Variants in TM2D1 observed in about 807,000 individuals in gnomAD.
TM2D1 encodes TM2 domain containing 1, also known as TM2 domain-containing protein 1.
Under a neutral mutation model 28.4 loss-of-function variants are expected in TM2D1, and 15 were observed. That is an observed-to-expected ratio of 0.53 (90% CI 0.35 to 0.81). The LOEUF (loss-of-function observed/expected upper bound fraction) is 0.81. TM2D1 is among the 40% of genes least tolerant of loss of function. TM2D1 has a pLI of 0.01. For missense variants in TM2D1, 236 were observed against 254.9 expected (o/e 0.93, Z 0.50); for synonymous variants, 93 against 96.2 (o/e 0.97, Z 0.20).
At chr1:61,696,912 C>T (rs1017625501) in intron 4 of TM2D1, among the ~76,000 whole-genome samples, 1 of 152,020 alleles carries the variant, frequency 6.6e-6, no homozygotes, top group African/African-American at 2.4e-5. Flanking sequence ...GCCATCACAC[C>T]TGGCCTAAAT....
chr1:61,719,558 T>C (rs1490447960), intron 2 of TM2D1, among the ~76,000 whole-genome samples: 2 of 151,908 alleles, frequency 1.3e-5, no homozygotes, highest in African/African-American at 4.8e-5. Flanking sequence ...AGTGGCGCAA[T>C]CTTGGCTCAC....
intron 2 of TM2D1, among the ~76,000 whole-genome samples, chr1:61,719,739 C>A (rs1376302694): frequency 1.3e-5 from 2 of 152,176 alleles, no homozygotes; most frequent in African/African-American, 4.8e-5. Flanking sequence ...AGGTGACCCA[C>A]CTGCCTCGGC....
intron 3 of TM2D1, among the ~76,000 whole-genome samples, chr1:61,701,977 G>T (rs1487726526): frequency 6.6e-6 from 1 of 152,080 alleles, no homozygotes; most frequent in Non-Finnish European, 1.5e-5. Flanking sequence ...GATCACTGAG[G>T]TCAGGAGTTC....
chr1:61,721,499 G>A (rs903632752), intron 2 of TM2D1, among the ~76,000 whole-genome samples: 5 of 147,934 alleles, frequency 3.4e-5, no homozygotes, highest in African/African-American at 7.5e-5. Context: ...CTGAGATTGC[G>A]CCACTGCACT....
intron 5 of TM2D1, among the ~76,000 whole-genome samples, chr1:61,692,428 T>C (rs1644334747): frequency 7.9e-6 from 1 of 126,246 alleles, no homozygotes; most frequent in African/African-American, 3.0e-5. Flanking sequence ...TAATATTTAA[T>C]GGCAAAAAAG....
intron 3 of TM2D1, among the ~76,000 whole-genome samples, chr1:61,708,057 T>TA (rs1456525046): frequency 1.3e-5 from 2 of 152,186 alleles, no homozygotes; most frequent in African/African-American, 4.8e-5. Context: ...AAGTCCTTTT[T>TA]AAAAAATGTT....
intron 2 of TM2D1, among the ~76,000 whole-genome samples, chr1:61,711,035 T>C (rs1047899659): frequency 2.6e-5 from 4 of 152,250 alleles, no homozygotes; most frequent in Non-Finnish European, 4.4e-5. Context: ...ACCATTTTAA[T>C]AAAACAAAGG....
Position 61,709,431 on chromosome 1 carries a change from C to A in TM2D1, c.245G>T (p.Cys82Phe). 6.3e-7 allele frequency: 1 copy of A among 1,598,144 alleles called. No individual in the cohort carries two copies. Among genetic ancestry groups the A allele is most frequent in the Non-Finnish European group, 8.6e-7 (1 of 1,169,540 alleles). The change falls in exon 3 of 7, where the codon TGT becomes TTT. Residue 82 changes from cysteine (C) to phenylalanine (F), a missense_variant. This residue lies in a region of TM2D1 where 167 missense variants were observed against 162.7 expected (regional missense o/e 1.03). Transcript: ENST00000606498. ...ACAAGTTATGTTGGGTGCTGGAAAACAGGAAACTGAAGGCAGAAAAAGTCA... is the reference window on the plus strand; with the variant it reads ...ACAAGTTATGTTGGGTGCTGGAAAAAAGGAAACTGAAGGCAGAAAAAGTCA... Reference protein sequence around the residue: ...NCTNYTAHVSCFPAPNITCKD... With the variant: ...NCTNYTAHVSFFPAPNITCKD...
At chr1:61,698,116 A>AT (rs1476944885) in intron 4 of TM2D1, 2 of 152,058 alleles carry the variant, frequency 1.3e-5, no homozygotes, top group Middle Eastern at 3.2e-3. Flanking sequence ...CTGTACCTTA[A>AT]TTTTTTTAGA....
chr1:61,696,255 T>C (rs934205317), intron 4 of TM2D1: 3 of 152,312 alleles, frequency 2.0e-5, no homozygotes, highest in East Asian at 1.9e-4. Context: ...AAAAAGAATA[T>C]TGGCCAGGCG....
chr1:61,696,526 C>T (rs1231926700), intron 4 of TM2D1, among the ~76,000 whole-genome samples: 1 of 139,610 alleles, frequency 7.2e-6, no homozygotes, highest in African/African-American at 2.7e-5. Flanking sequence ...GCAACAAAGC[C>T]GGGGCAACCT....
intron 2 of TM2D1, among the ~76,000 whole-genome samples, chr1:61,721,550 AAAAAAAGAAAAAAG>A (rs1644565216): frequency 7.1e-6 from 1 of 140,540 alleles, no homozygotes; most frequent in Non-Finnish European, 1.5e-5. Context: ...TCAAAAAAAA[AAAAAAAGAAAAAAG>A]AAAAAGAAAA....
At chr1:61,697,356 C>T (rs1228277313) in intron 4 of TM2D1, among the ~76,000 whole-genome samples, 2 of 151,022 alleles carry the variant, frequency 1.3e-5, no homozygotes, top group Non-Finnish European at 3.0e-5. Flanking sequence ...TTTCCTTCTT[C>T]CCTTCCTTCT....
intron 4 of TM2D1, chr1:61,699,965 G>T (rs1386241966): frequency 3.8e-6 from 2 of 531,386 alleles, no homozygotes; most frequent in African/African-American, 2.0e-5. Flanking sequence ...CATCTTTTGT[G>T]GGTAGCAACA....
At chr1:61,695,703 A>G (rs1484860755) in intron 4 of TM2D1, among the ~76,000 whole-genome samples, 5 of 152,258 alleles carry the variant, frequency 3.3e-5, no homozygotes, top group South Asian at 2.1e-4. Flanking sequence ...GAATACACAA[A>G]TAAGATTGAA....
chr1:61,684,465 T>C (rs146775177), intron 5 of TM2D1, among the ~76,000 whole-genome samples: 33 of 152,322 alleles, frequency 2.2e-4, no homozygotes, highest in African/African-American at 7.9e-4. Flanking sequence ...AGTCTTATGA[T>C]GGCATATTTC....
chr1:61,717,388 G>A (rs1232477985), intron 2 of TM2D1, among the ~76,000 whole-genome samples: 1 of 151,760 alleles, frequency 6.6e-6, no homozygotes, highest in Non-Finnish European at 1.5e-5. Context: ...AAAGAAGCCA[G>A]TTATCAGTAA....
At chr1:61,695,309 T>C (rs904763361) in intron 4 of TM2D1, among the ~76,000 whole-genome samples, 3 of 152,178 alleles carry the variant, frequency 2.0e-5, no homozygotes, top group Admixed American at 1.3e-4. Context: ...ATCACCTGTT[T>C]ATTAGCTCTA....
chr1:61,688,628 C>G (rs1053110007), intron 5 of TM2D1, among the ~76,000 whole-genome samples: 7 of 151,184 alleles, frequency 4.6e-5, no homozygotes, highest in Non-Finnish European at 1.0e-4. Context: ...GAGGCTGAGG[C>G]AGAAGAATCG....
Sources: gnomAD v4.1 joint callset for allele counts (sites outside exome capture counted in the v4.1 genomes callset) on GRCh38, gnomAD v4.1.1 for gene constraint, gnomAD v4.1.1 regional missense constraint, MANE v1.5 for transcripts, NCBI Gene and HGNC (gene_info 2026-07-23, HGNC 2026-07-21) for gene names.